The following ZSWIM6 variants were observed in gnomAD, a reference collection of about 807,000 sequenced individuals.
ZSWIM6 encodes the protein zinc finger SWIM domain-containing protein 6.
A neutral mutation model predicts 113.2 loss-of-function variants in ZSWIM6; 9 were observed. The ratio of observed to expected loss-of-function variants is 0.08; its 90% CI spans 0.05 to 0.14. The LOEUF is 0.14. Among genes scored for constraint, ZSWIM6 ranks in the 10% least tolerant of loss-of-function variants. The pLI, the probability that ZSWIM6 is intolerant of heterozygous loss-of-function variation, is 1.00. For synonymous variants in ZSWIM6, 611 were observed against 606.5 expected (o/e 1.01, Z -0.11); for missense variants, 1,162 against 1,552.2 (o/e 0.75, Z 4.22).
intron 1 of ZSWIM6, among the ~76,000 whole-genome samples, chr5:61,355,081 T>C (rs1744871381): frequency 6.6e-6 from 1 of 152,208 alleles, no homozygotes; most frequent in South Asian, 2.1e-4. Context: ...ATGTGACTGA[T>C]ATTTTTTGTT....
chr5:61,363,882 TTCCTTCCC>T (rs1230724577), intron 1 of ZSWIM6, among the ~76,000 whole-genome samples: 42 of 127,196 alleles, frequency 3.3e-4, no homozygotes, highest in African/African-American at 1.0e-3. Context: ...CCCTCCTTCC[TTCCTTCCC>T]TCCTTCCCTC....
chr5:61,442,364 A>T (rs1001357904), intron 1 of ZSWIM6, among the ~76,000 whole-genome samples: 1 of 152,152 alleles, frequency 6.6e-6, no homozygotes, highest in East Asian at 1.9e-4. Flanking sequence ...TTCATCATTC[A>T]TAGGGAATCT....
intron 1 of ZSWIM6, among the ~76,000 whole-genome samples, chr5:61,371,440 C>G (rs1372432020): frequency 1.3e-5 from 2 of 152,110 alleles, no homozygotes; most frequent in Admixed American, 6.5e-5. Flanking sequence ...TGGCTAATTT[C>G]TTTACCTAAA....
chr5:61,513,487 A>G (rs901872399), intron 4 of ZSWIM6, among the ~76,000 whole-genome samples: 1 of 152,124 alleles, frequency 6.6e-6, no homozygotes, highest in Non-Finnish European at 1.5e-5. Flanking sequence ...GATGAAGTCT[A>G]CTTTATCAAT....
intron 1 of ZSWIM6, among the ~76,000 whole-genome samples, chr5:61,458,112 A>G (rs1466900433): frequency 6.6e-6 from 1 of 152,190 alleles, no homozygotes; most frequent in African/African-American, 2.4e-5. Flanking sequence ...GGTTGGATAC[A>G]TATATTTGCC....
chr5:61,480,806 C>T (rs534270135), intron 2 of ZSWIM6, among the ~76,000 whole-genome samples: 134 of 152,212 alleles, frequency 8.8e-4, no homozygotes, highest in African/African-American at 3.1e-3. Flanking sequence ...CTCTCAGTGC[C>T]AATGGTTGAT....
chr5:61,470,257 G>C (rs1747535130), intron 1 of ZSWIM6, among the ~76,000 whole-genome samples: 1 of 152,142 alleles, frequency 6.6e-6, no homozygotes, highest in South Asian at 2.1e-4. Context: ...TTTTATAAAT[G>C]GTCAGTTTAG....
chr5:61,447,912 G>C (rs1045650968), intron 1 of ZSWIM6, among the ~76,000 whole-genome samples: 17 of 152,144 alleles, frequency 1.1e-4, no homozygotes, highest in Non-Finnish European at 1.9e-4. Flanking sequence ...GTAACCATGT[G>C]TGCTAAAATA....
At chr5:61,361,650 C>T (rs368944349) in intron 1 of ZSWIM6, among the ~76,000 whole-genome samples, 1 of 152,118 alleles carries the variant, frequency 6.6e-6, no homozygotes, top group East Asian at 1.9e-4. Flanking sequence ...CCAGGGAACC[C>T]CCCTTACCTC....
At chr5:61,470,777 G>A (rs1014441804) in intron 1 of ZSWIM6, among the ~76,000 whole-genome samples, 16 of 152,230 alleles carry the variant, frequency 1.1e-4, no homozygotes, top group Admixed American at 9.8e-4. Context: ...TTTAGGGAAT[G>A]CTCTTTTTTC....
chr5:61,374,807 G>A (rs1239157476), intron 1 of ZSWIM6, among the ~76,000 whole-genome samples: 5 of 151,966 alleles, frequency 3.3e-5, no homozygotes, highest in Admixed American at 2.6e-4. Flanking sequence ...CGCCCGCCTC[G>A]GCCTCCCAAA....
intron 1 of ZSWIM6, among the ~76,000 whole-genome samples, chr5:61,451,106 T>G (rs538453544): frequency 2.6e-5 from 4 of 152,266 alleles, no homozygotes; most frequent in African/African-American, 9.6e-5. Context: ...TATGAGCAAT[T>G]TATCCTGCTT....
At chr5:61,431,903 T>A (rs1329814085) in intron 1 of ZSWIM6, among the ~76,000 whole-genome samples, 1 of 152,242 alleles carries the variant, frequency 6.6e-6, no homozygotes, top group Non-Finnish European at 1.5e-5. Flanking sequence ...GTTTTCTTTT[T>A]TCTGTTTTTG....
chr5:61,437,976 A>C (rs1187688993), intron 1 of ZSWIM6, among the ~76,000 whole-genome samples: 1 of 152,080 alleles, frequency 6.6e-6, no homozygotes, highest in Non-Finnish European at 1.5e-5. Context: ...TAATATTGCC[A>C]TTCAGGGTGT....
intron 1 of ZSWIM6, among the ~76,000 whole-genome samples, chr5:61,395,737 T>C (rs1745824317): frequency 6.6e-6 from 1 of 152,192 alleles, no homozygotes; most frequent in Non-Finnish European, 1.5e-5. Context: ...TAAGCAAAGT[T>C]TTTATAAGTA....
intron 1 of ZSWIM6, among the ~76,000 whole-genome samples, chr5:61,344,301 C>G (rs554908125): frequency 6.6e-6 from 1 of 152,262 alleles, no homozygotes; most frequent in African/African-American, 2.4e-5. Context: ...GTGAACTAGC[C>G]AGTCTTTTCA....
chr5:61,544,328 A>G lies in ZSWIM6; in HGVS notation c.*11A>G. 2 of 320,932 alleles carry G rather than the reference A, an allele frequency of 6.2e-6. No homozygotes were observed. Among genetic ancestry groups the G allele is most frequent in the Non-Finnish European group, 1.0e-5 (2 of 194,228 alleles). The allele number at this position is 320,932 out of a possible 1,614,324, so 19.9% of individuals were successfully genotyped here. A position where few individuals can be genotyped will look rare whatever the true frequency, so the allele number is the denominator to read the frequency against. ...GAGAGGTTTGGTTGATAGATCTTGT[A>G]TGAATGGGGTGGGGGGTGGGGATGG... On this transcript the variant is annotated 3_prime_UTR_variant, in exon 14 of 14. Transcript: ENST00000252744.
chr5:61,462,461 G>A (rs1747339409), intron 1 of ZSWIM6, among the ~76,000 whole-genome samples: 1 of 152,216 alleles, frequency 6.6e-6, no homozygotes, highest in East Asian at 1.9e-4. Context: ...TTTAAAATGT[G>A]CTATGTAAAA....
chr5:61,443,069 C>T (rs1487551993), intron 1 of ZSWIM6, among the ~76,000 whole-genome samples: 1 of 152,162 alleles, frequency 6.6e-6, no homozygotes, highest in Non-Finnish European at 1.5e-5. Flanking sequence ...TGTAAGATTT[C>T]TCTCTAGTCC....
Sources: allele counts gnomAD v4.1 joint callset (sites outside exome capture counted in the v4.1 genomes callset), GRCh38; gene constraint gnomAD v4.1.1; transcripts MANE v1.5; gene names NCBI Gene and HGNC (gene_info 2026-07-23, HGNC 2026-07-21).